The following EXOC6B variants were observed in gnomAD, a reference collection of about 807,000 sequenced individuals.
EXOC6B encodes the protein SEC15 homolog B.
A neutral mutation model predicts 113.5 loss-of-function variants in EXOC6B; 54 were observed. The observed-to-expected ratio is 0.48, with a 90% CI of 0.38 to 0.60. EXOC6B has a LOEUF of 0.60. EXOC6B is among the 20% of genes least tolerant of loss of function. The probability of loss-of-function intolerance (pLI) is 0.00; values close to 1 mark genes in which losing one functional copy is unlikely to be tolerated. For synonymous variants in EXOC6B, 357 were observed against 339.0 expected (o/e 1.05, Z -0.58); for missense variants, 797 against 977.5 (o/e 0.82, Z 2.46).
chr2:72,762,685 T>C (rs1682814298), intron 1 of EXOC6B, among the ~76,000 whole-genome samples: 1 of 152,024 alleles, frequency 6.6e-6, no homozygotes. Flanking sequence ...TAATATAAAA[T>C]CTGTTCAAAA....
chr2:72,297,981 A>G (rs1345042691), intron 20 of EXOC6B, among the ~76,000 whole-genome samples: 2 of 152,106 alleles, frequency 1.3e-5, no homozygotes, highest in Non-Finnish European at 2.9e-5. Context: ...TGGGGTGGAG[A>G]GTTCTGTAGA....
chr2:72,576,723 G>A (rs1195930587), intron 6 of EXOC6B, among the ~76,000 whole-genome samples: 1 of 152,108 alleles, frequency 6.6e-6, no homozygotes, highest in East Asian at 1.9e-4. Flanking sequence ...TAAAAGCTGG[G>A]AGAAGTCCTA....
In EXOC6B at chr2:72,620,524, A is replaced by G. The variant is rs553806074; in HGVS notation, c.670-44856T>C. Among the ~76,000 whole-genome samples the G allele has an allele frequency of 4.6e-5, 7 of 151,778 alleles. 1 individual carries two copies. The East Asian group carries it at 1.4e-3, about 29-fold the overall frequency. On this transcript the variant is annotated intron_variant, in intron 6 of 21. Coordinates refer to ENST00000272427, the MANE Select transcript of EXOC6B (RefSeq NM_015189.3). ...TTTTAAATTTAAATTTTAAATTTAA[A>G]TTTAAAAGACCTCAAACTATTAAAA...
intron 6 of EXOC6B, among the ~76,000 whole-genome samples, chr2:72,631,459 TATAGAGAGAGAGAGAGAGAGAGAG>T (rs1672451956): frequency 4.5e-3 from 31 of 6,926 alleles, no homozygotes; most frequent in South Asian, 0.011. Context: ...TATATATATA[TATAGAGAGAGAGAGAGAGAGAGAG>T]AGAGAGAGAG....
At chr2:72,667,731 G>A (rs1223394664) in intron 6 of EXOC6B, among the ~76,000 whole-genome samples, 1 of 152,114 alleles carries the variant, frequency 6.6e-6, no homozygotes, top group Non-Finnish European at 1.5e-5. Context: ...ACTCAAGATG[G>A]ACTAAAGAAT....
intron 8 of EXOC6B, chr2:72,515,473 C>A: frequency 1.9e-6 from 2 of 1,059,424 alleles, no homozygotes; most frequent in Non-Finnish European, 2.3e-6. Flanking sequence ...GAAAATGCTC[C>A]TTAAAAAACT....
intron 20 of EXOC6B, among the ~76,000 whole-genome samples, chr2:72,187,270 C>G (rs752639123): frequency 1.3e-5 from 2 of 152,002 alleles, no homozygotes; most frequent in Non-Finnish European, 1.5e-5. Context: ...CAGGTCTGGG[C>G]TCTACAAAGG....
intron 13 of EXOC6B, among the ~76,000 whole-genome samples, chr2:72,497,298 T>C (rs1700089502): frequency 6.6e-6 from 1 of 152,062 alleles, no homozygotes; most frequent in African/African-American, 2.4e-5. Flanking sequence ...TAAAATCATG[T>C]TCTATTCTAA....
chr2:72,278,067 A>G (rs1482968648), intron 20 of EXOC6B, among the ~76,000 whole-genome samples: 1 of 152,206 alleles, frequency 6.6e-6, no homozygotes, highest in Non-Finnish European at 1.5e-5. Flanking sequence ...CATACTAAGC[A>G]TTCAAAAAAT....
At chr2:72,673,716 AT>A (rs1220766948) in intron 6 of EXOC6B, among the ~76,000 whole-genome samples, 1 of 150,364 alleles carries the variant, frequency 6.7e-6, no homozygotes, top group Non-Finnish European at 1.5e-5. Context: ...TAGTCAAAAA[AT>A]ATATATTATT....
chr2:72,269,412 C>A (rs1299666463), intron 20 of EXOC6B, among the ~76,000 whole-genome samples: 1 of 152,202 alleles, frequency 6.6e-6, no homozygotes, highest in African/African-American at 2.4e-5. Flanking sequence ...GCAGAGAGTT[C>A]ATGGCTATCT....
At chr2:72,485,477 C>CA (rs1699371587) in intron 16 of EXOC6B, among the ~76,000 whole-genome samples, 1 of 152,158 alleles carries the variant, frequency 6.6e-6, no homozygotes, top group Admixed American at 6.5e-5. Flanking sequence ...TTCTCATTCA[C>CA]AAAAATGAGC....
intron 18 of EXOC6B, among the ~76,000 whole-genome samples, chr2:72,425,405 A>G (rs1695149233): frequency 6.6e-6 from 1 of 152,196 alleles, no homozygotes; most frequent in Non-Finnish European, 1.5e-5. Context: ...ACTACATGTT[A>G]TTACTGATTG....
intron 6 of EXOC6B, among the ~76,000 whole-genome samples, chr2:72,671,520 C>A (rs1675792576): frequency 6.6e-6 from 1 of 151,868 alleles, no homozygotes; most frequent in African/African-American, 2.4e-5. Context: ...CATGGTGAAA[C>A]CCCGTCTCTA....
intron 2 of EXOC6B, among the ~76,000 whole-genome samples, chr2:72,738,664 G>A (rs1158603616): frequency 1.3e-5 from 2 of 152,184 alleles, no homozygotes; most frequent in African/African-American, 2.4e-5. Flanking sequence ...CCAATACATA[G>A]AAAGACGCAC....
chr2:72,293,216 G>C (rs114765766), intron 20 of EXOC6B, among the ~76,000 whole-genome samples: 1 of 152,180 alleles, frequency 6.6e-6, no homozygotes, highest in African/African-American at 2.4e-5. Context: ...ATTAATTGCT[G>C]TTCATTGAGG....
At chr2:72,667,961 A>C (rs1213711124) in intron 6 of EXOC6B, among the ~76,000 whole-genome samples, 2 of 152,190 alleles carry the variant, frequency 1.3e-5, no homozygotes, top group Non-Finnish European at 2.9e-5. Flanking sequence ...ATATTCACCA[A>C]CTATGCATCC....
chr2:72,600,434 C>A, intron 6 of EXOC6B, among the ~76,000 whole-genome samples: 1 of 90,220 alleles, frequency 1.1e-5, no homozygotes. Flanking sequence ...GGAGTGAGAC[C>A]TTATCTCAAA....
At chr2:72,476,402 G>A (rs1698745379) in intron 17 of EXOC6B, among the ~76,000 whole-genome samples, 1 of 152,146 alleles carries the variant, frequency 6.6e-6, no homozygotes, top group African/African-American at 2.4e-5. Flanking sequence ...TACTCATTAT[G>A]TTGGTTCTTC....
Sources: gnomAD v4.1 joint callset for allele counts (sites outside exome capture counted in the v4.1 genomes callset) on GRCh38, gnomAD v4.1.1 for gene constraint, MANE v1.5 for transcripts, NCBI Gene and HGNC (gene_info 2026-07-23, HGNC 2026-07-21) for gene names.